Variants in LSAMP observed in about 807,000 individuals in gnomAD.
LSAMP encodes the protein limbic system-associated membrane protein.
A neutral mutation model predicts 38.6 loss-of-function variants in LSAMP; 7 were observed. The observed-to-expected ratio is 0.18, with a 90% CI of 0.10 to 0.34. The LOEUF (loss-of-function observed/expected upper bound fraction) is 0.34, where lower values mean the gene tolerates loss of function less well. LSAMP is among the 10% of genes least tolerant of loss of function. LSAMP has a pLI of 1.00. For synonymous variants in LSAMP, 154 were observed against 166.8 expected (o/e 0.92, Z 0.59); for missense variants, 313 against 420.0 (o/e 0.75, Z 2.23).
intron 3 of LSAMP, among the ~76,000 whole-genome samples, chr3:115,892,260 A>G (rs962820372): frequency 1.3e-5 from 2 of 151,976 alleles, no homozygotes; most frequent in African/African-American, 4.8e-5. Context: ...ATCATAACCA[A>G]CAGAAACAGG....
At chr3:116,057,100 A>T (rs1438916947) in intron 2 of LSAMP, among the ~76,000 whole-genome samples, 1 of 152,136 alleles carries the variant, frequency 6.6e-6, no homozygotes, top group African/African-American at 2.4e-5. Context: ...CAGCTTTTCC[A>T]CTGAATGTCA....
intron 3 of LSAMP, among the ~76,000 whole-genome samples, chr3:115,938,677 T>C (rs1368835499): frequency 6.6e-6 from 1 of 152,156 alleles, no homozygotes; most frequent in East Asian, 1.9e-4. Context: ...AGAAGATGCA[T>C]AATGCACACA....
At chr3:116,149,985 A>C (rs1466655853) in intron 1 of LSAMP, among the ~76,000 whole-genome samples, 1 of 152,102 alleles carries the variant, frequency 6.6e-6, no homozygotes, top group Non-Finnish European at 1.5e-5. Context: ...GTTAAAAGCA[A>C]TAACTACATT....
intron 1 of LSAMP, among the ~76,000 whole-genome samples, chr3:116,112,368 C>T (rs1708634968): frequency 6.6e-6 from 1 of 152,184 alleles, no homozygotes; most frequent in Non-Finnish European, 1.5e-5. Flanking sequence ...CCTGGCTACA[C>T]AGTTTAACAT....
At chr3:115,844,330 G>T (rs1244930390) in intron 4 of LSAMP, among the ~76,000 whole-genome samples, 1 of 152,162 alleles carries the variant, frequency 6.6e-6, no homozygotes, top group African/African-American at 2.4e-5. Flanking sequence ...GTCAAGAAGA[G>T]GAAATTTGAG....
chr3:116,158,513 T>C (rs922817968), intron 1 of LSAMP, among the ~76,000 whole-genome samples: 4 of 152,136 alleles, frequency 2.6e-5, no homozygotes, highest in Non-Finnish European at 5.9e-5. Flanking sequence ...GGATACAAAA[T>C]TAATGTATAC....
At chr3:116,173,170 G>A (rs1710245047) in intron 1 of LSAMP, among the ~76,000 whole-genome samples, 1 of 151,980 alleles carries the variant, frequency 6.6e-6, no homozygotes, top group Admixed American at 6.6e-5. Context: ...CACAAAAATG[G>A]AGCTGAGTAC....
At chr3:115,874,505 T>C (rs1426010871) in intron 3 of LSAMP, among the ~76,000 whole-genome samples, 2 of 152,146 alleles carry the variant, frequency 1.3e-5, no homozygotes, top group African/African-American at 2.4e-5. Context: ...CCATAAGATT[T>C]GTAAAGTCTC....
At position 116,019,560 on chromosome 3, in the gene LSAMP, C is replaced by T; in HGVS notation, c.469G>A (p.Gly157Ser). 1.2e-6 allele frequency: 2 copies of T among 1,612,982 alleles called. No individual in the cohort carries two copies. Among genetic ancestry groups the T allele is most frequent in the Non-Finnish European group, 1.7e-6 (2 of 1,179,188 alleles). Residue 157 changes from glycine to serine, a missense_variant, in exon 3 of 7, where the codon GGC becomes AGC. Coordinates refer to ENST00000490035, the MANE Select transcript of LSAMP (RefSeq NM_002338.5). Reference sequence around the variant, plus strand: ...CAGGTGATAACAGGTTCAGGACGGCCATTGGCCATGCAGACCAGAGTCACG... The same window carrying T: ...CAGGTGATAACAGGTTCAGGACGGCTATTGGCCATGCAGACCAGAGTCACG... ...SNVTLVCMAN[G>S]RPEPVITWRH...
At chr3:115,915,308 T>C (rs762658114) in intron 3 of LSAMP, among the ~76,000 whole-genome samples, 4 of 152,190 alleles carry the variant, frequency 2.6e-5, no homozygotes, top group East Asian at 1.9e-4. Flanking sequence ...GTGATAAATA[T>C]AGAAGTAGAG....
chr3:116,162,697 T>C (rs981069466), intron 1 of LSAMP, among the ~76,000 whole-genome samples: 1 of 130,288 alleles, frequency 7.7e-6, no homozygotes, highest in African/African-American at 2.9e-5. Flanking sequence ...TCTCTCTCTA[T>C]ATATATATAA....
At position 116,297,614 on chromosome 3, in the gene LSAMP, A is replaced by G. The variant is rs539813855; in HGVS notation, c.155+147263T>C. 7.2e-5 allele frequency among the ~76,000 whole-genome samples: 11 copies of G among 152,232 alleles called. No homozygotes were observed. The East Asian group carries it at 9.7e-4, about 13-fold the overall frequency. On this transcript the variant is annotated intron_variant, in intron 1 of 6. Transcript: ENST00000490035. ...TGAATATATACCATCCTACATTTCA[A>G]TCCATTTACCTTATTTTTGTCAGTC...
chr3:116,140,380 A>G (rs1264124354), intron 1 of LSAMP, among the ~76,000 whole-genome samples: 5 of 151,964 alleles, frequency 3.3e-5, no homozygotes, highest in African/African-American at 1.2e-4. Context: ...GGACAATCAC[A>G]TGATTGCTTT....
chr3:116,073,542 C>T (rs908670811), intron 2 of LSAMP, among the ~76,000 whole-genome samples: 5 of 152,146 alleles, frequency 3.3e-5, no homozygotes, highest in African/African-American at 4.8e-5. Flanking sequence ...ATTCTATCCA[C>T]GAACATGGAA....
At position 115,986,479 on chromosome 3, in the gene LSAMP, A is replaced by C. The variant is rs1362494882; in HGVS notation, c.514+33036T>G. On this transcript the variant is annotated intron_variant, in intron 3 of 6. Transcript: ENST00000490035. ...GAAAGCCAGAATTTCTGGGAAAAACATATGCTTTTTGAATTTTTATTTAAT... is the reference window on the plus strand; with the variant it reads ...GAAAGCCAGAATTTCTGGGAAAAACCTATGCTTTTTGAATTTTTATTTAAT... Among the ~76,000 whole-genome samples, 5 of 152,302 alleles carry C rather than the reference A, an allele frequency of 3.3e-5. No homozygotes were observed. The East Asian group carries it at 9.6e-4, about 29-fold the overall frequency.
intron 1 of LSAMP, among the ~76,000 whole-genome samples, chr3:116,108,020 A>T (rs1708507910): frequency 2.6e-5 from 4 of 152,090 alleles, no homozygotes; most frequent in African/African-American, 9.7e-5. Flanking sequence ...GGCGAGTGAT[A>T]ACAGGCTTTA....
At chr3:116,358,270 A>G (rs2048252407) in intron 1 of LSAMP, among the ~76,000 whole-genome samples, 1 of 152,224 alleles carries the variant, frequency 6.6e-6, no homozygotes, top group South Asian at 2.1e-4. Flanking sequence ...CCTCTTAGAA[A>G]GGCAACACAA....
chr3:115,879,273 T>C (rs1451526879), intron 3 of LSAMP, among the ~76,000 whole-genome samples: 1 of 152,144 alleles, frequency 6.6e-6, no homozygotes, highest in Non-Finnish European at 1.5e-5. Context: ...TTTAACAATA[T>C]TAATGGAAAT....
chr3:116,099,631 G>A (rs962371734), intron 1 of LSAMP, among the ~76,000 whole-genome samples: 2 of 152,146 alleles, frequency 1.3e-5, no homozygotes, highest in Non-Finnish European at 1.5e-5. Flanking sequence ...GATGGTGATG[G>A]TCCACTGATT....
Sources: allele counts gnomAD v4.1 joint callset (sites outside exome capture counted in the v4.1 genomes callset), GRCh38; gene constraint gnomAD v4.1.1; transcripts MANE v1.5; gene names NCBI Gene and HGNC (gene_info 2026-07-23, HGNC 2026-07-21).